The following ACVR1C variants were observed in gnomAD, a reference collection of about 807,000 sequenced individuals.
The protein encoded by ACVR1C is activin receptor type-1C.
In ACVR1C, 23 loss-of-function variants were observed where a neutral mutation model predicts 57.9. That is an observed-to-expected ratio of 0.40 (90% CI 0.29 to 0.56). The LOEUF (loss-of-function observed/expected upper bound fraction) is 0.56. Among genes scored for constraint, ACVR1C ranks in the 20% least tolerant of loss-of-function variants. The pLI is 0.50. For synonymous variants in ACVR1C, 214 were observed against 215.3 expected, an observed-to-expected ratio of 0.99 and a Z score of 0.05; for missense variants, 480 against 607.9, an observed-to-expected ratio of 0.79 and a Z score of 2.21.
chr2:157,600,905 C>T (rs765031351), intron 1 of ACVR1C, among the ~76,000 whole-genome samples: 6 of 152,162 alleles, frequency 3.9e-5, no homozygotes, highest in Non-Finnish European at 7.3e-5. Flanking sequence ...CCTACCCCTC[C>T]CTTCAAAGAA....
intron 1 of ACVR1C, among the ~76,000 whole-genome samples, chr2:157,623,494 T>G (rs1315712936): frequency 6.6e-6 from 1 of 151,922 alleles, no homozygotes. Context: ...TTAACTGAAA[T>G]AAGCCAGGAA....
At chr2:157,627,698 C>G (rs1484120061) in intron 1 of ACVR1C, among the ~76,000 whole-genome samples, 1 of 152,224 alleles carries the variant, frequency 6.6e-6, no homozygotes. Context: ...GTGCAAATGT[C>G]TTCAATGTCT....
rs1400854521 is a variant in ACVR1C, at chr2:157,544,686, T to G, written c.776-74A>C. The G allele has an allele frequency of 3.1e-6, 4 of 1,298,918 alleles. No homozygotes were observed. The East Asian group carries it at 7.2e-5, about 23-fold the overall frequency. 80.5% of individuals were successfully genotyped at this position (1,298,918 alleles called of 1,614,324 possible). A position where few individuals can be genotyped will look rare whatever the true frequency, so the allele number is the denominator to read the frequency against. On this transcript the variant is annotated intron_variant, in intron 4 of 8. Coordinates refer to ENST00000243349, the MANE Select transcript of ACVR1C (RefSeq NM_145259.3). ...AGCCAAAAGCTTTTAAAAATATCAG[T>G]GTTTAATCTGTATTGTTAACAAAGC...
rs755025381 is a variant in ACVR1C at position 157,544,575 on chromosome 2, T to C, written c.813A>G (p.Glu271=). ...CATATAAGGAGCCCTGTTCATGATA[T>C]TCAGATACCAGCCAAAGTTGAGTCC... ...GTWTQLWLVS[E]YHEQGSLYDY... Residue 271 remains glutamate (E), a synonymous_variant, in exon 5 of 9, where the codon GAA becomes GAG. Coordinates refer to ENST00000243349, the MANE Select transcript of ACVR1C (RefSeq NM_145259.3). The C allele has an allele frequency of 6.2e-7, 1 of 1,613,180 alleles. No individual in the cohort carries two copies. Among genetic ancestry groups the C allele is most frequent in the African/African-American group, 1.3e-5 (1 of 74,880 alleles).
chr2:157,575,532 G>A (rs1688624565), intron 2 of ACVR1C, among the ~76,000 whole-genome samples: 1 of 152,186 alleles, frequency 6.6e-6, no homozygotes, highest in Non-Finnish European at 1.5e-5. Context: ...GCTTCCCAAA[G>A]TGCTAGGATT....
Position 157,624,777 on chromosome 2 carries a change from G to A in ACVR1C, c.73+3795C>T, listed in dbSNP as rs148778085. 5.9e-5 allele frequency among the ~76,000 whole-genome samples: 9 copies of A among 152,270 alleles called. 1 individual carries two copies. The East Asian group carries it at 1.7e-3, about 29-fold the overall frequency. On this transcript the variant is annotated intron_variant, in intron 1 of 8. Coordinates refer to ENST00000243349, the MANE Select transcript of ACVR1C (RefSeq NM_145259.3). ...GTCTTCACTTCTCTTTTTAATAAAA[G>A]AGCCAGAAATACATGCATCAGGAAT...
At chr2:157,565,410 G>C (rs1185529772) in intron 2 of ACVR1C, among the ~76,000 whole-genome samples, 2 of 152,000 alleles carry the variant, frequency 1.3e-5, no homozygotes, top group African/African-American at 4.8e-5. Context: ...AGTGACCATT[G>C]TAAATTTCAC....
chr2:157,595,394 C>G (rs931482379), intron 1 of ACVR1C, among the ~76,000 whole-genome samples: 1 of 152,122 alleles, frequency 6.6e-6, no homozygotes, highest in Non-Finnish European at 1.5e-5. Flanking sequence ...AGTCCTCTGG[C>G]CCAGTTTAGA....
chr2:157,562,782 G>A (rs533523283), intron 2 of ACVR1C, among the ~76,000 whole-genome samples: 5 of 152,130 alleles, frequency 3.3e-5, no homozygotes, highest in South Asian at 2.1e-4. Context: ...CGATCAAGTC[G>A]GCTTCATCCC....
chr2:157,580,966 A>G (rs758505659), intron 2 of ACVR1C, among the ~76,000 whole-genome samples: 8 of 152,182 alleles, frequency 5.3e-5, no homozygotes, highest in Non-Finnish European at 8.8e-5. Flanking sequence ...AAAAAAGACA[A>G]AAAAACAATC....
intron 3 of ACVR1C, among the ~76,000 whole-genome samples, chr2:157,554,168 GTGAGAATC>G (rs1558974721): frequency 8.3e-6 from 1 of 119,988 alleles, no homozygotes; most frequent in African/African-American, 3.1e-5. Flanking sequence ...AGGTAACAGG[GTGAGAATC>G]TGGAAAAAAA....
chr2:157,535,266 T>C (rs1055740049), intron 8 of ACVR1C, among the ~76,000 whole-genome samples: 5 of 151,212 alleles, frequency 3.3e-5, no homozygotes, highest in Non-Finnish European at 5.9e-5. Context: ...TGGCTCTTGG[T>C]GAAGGAAAAA....
At chr2:157,624,240 A>T (rs1355548973) in intron 1 of ACVR1C, among the ~76,000 whole-genome samples, 1 of 152,170 alleles carries the variant, frequency 6.6e-6, no homozygotes, top group Non-Finnish European at 1.5e-5. Flanking sequence ...TTGCTCTCTT[A>T]GGAACATGCT....
intron 4 of ACVR1C, among the ~76,000 whole-genome samples, chr2:157,549,141 G>T (rs2105215494): frequency 6.6e-6 from 1 of 152,256 alleles, no homozygotes; most frequent in East Asian, 1.9e-4. Context: ...GGATAACGAG[G>T]TCAGGAGTTC....
chr2:157,566,442 T>A (rs1688382130), intron 2 of ACVR1C, among the ~76,000 whole-genome samples: 1 of 152,198 alleles, frequency 6.6e-6, no homozygotes, highest in Non-Finnish European at 1.5e-5. Context: ...CATTTCCATC[T>A]GAGGTACCGG....
chr2:157,554,223 GAAAGAAAGAAAGAAAGAAAGAA>G (rs1688007187), intron 3 of ACVR1C, among the ~76,000 whole-genome samples: 1 of 93,074 alleles, frequency 1.1e-5, no homozygotes, highest in Non-Finnish European at 2.1e-5. Flanking sequence ...AAGAAAGAAA[GAAAGAAAGAAAGAAAGAAAGAA>G]AGAAAGAAAG....
At chr2:157,619,605 A>G (rs928761950) in intron 1 of ACVR1C, among the ~76,000 whole-genome samples, 3 of 152,010 alleles carry the variant, frequency 2.0e-5, no homozygotes, top group East Asian at 3.8e-4. Context: ...TGCAACAGTA[A>G]CTATTTGTTT....
rs938087239 is a variant in ACVR1C at position 157,528,141 on chromosome 2, C to G, written c.*5777G>C. 6.6e-6 allele frequency: 1 copy of G among 152,116 alleles called. No individual in the cohort carries two copies. The highest frequency in any genetic ancestry group is 2.4e-5 in the African/African-American group (1 of 41,422). The allele number at this position is 152,116 out of a possible 1,614,324, so 9.4% of individuals were successfully genotyped here. Reference sequence around the variant, plus strand: ...TAAACACATATAAGCCAATAAGATGCTTCTCTGTAAAATATAAAATTATGT... The same window carrying G: ...TAAACACATATAAGCCAATAAGATGGTTCTCTGTAAAATATAAAATTATGT... On this transcript the variant is annotated 3_prime_UTR_variant, in exon 9 of 9. Coordinates refer to ENST00000243349, the MANE Select transcript of ACVR1C (RefSeq NM_145259.3).
At chr2:157,541,266 GT>G (rs759580116) in intron 6 of ACVR1C, 52 bp from the exon 7 acceptor site, 1 of 1,548,758 alleles carries the variant, frequency 6.5e-7, no homozygotes, top group Middle Eastern at 1.7e-4. Context: ...TAGCAGTCCA[GT>G]AAAACAATCT....
Sources: allele counts gnomAD v4.1 joint callset (sites outside exome capture counted in the v4.1 genomes callset), GRCh38; gene constraint gnomAD v4.1.1; transcripts MANE v1.5; gene names NCBI Gene and HGNC (gene_info 2026-07-23, HGNC 2026-07-21).